The following AXDND1 variants were observed in gnomAD, a reference collection of about 807,000 sequenced individuals.
The protein encoded by AXDND1 is axonemal dynein light chain domain-containing protein 1.
A neutral mutation model predicts 137.5 loss-of-function variants in AXDND1; 110 were observed. That is an observed-to-expected ratio of 0.80 (90% CI 0.69 to 0.94). The LOEUF (loss-of-function observed/expected upper bound fraction) is 0.94. Among genes scored for constraint, AXDND1 ranks in the 40% least tolerant of loss-of-function variants. The pLI is 0.00. For missense variants in AXDND1, 1,191 were observed against 1,169.8 expected (o/e 1.02, Z -0.26); for synonymous variants, 414 against 399.7 (o/e 1.04, Z -0.43).
chr1:179,418,947 G>A (rs1224666376), intron 12 of AXDND1, among the ~76,000 whole-genome samples: 7 of 151,558 alleles, frequency 4.6e-5, no homozygotes, highest in East Asian at 3.9e-4. Context: ...CGGGGTCGCC[G>A]CCGGGCAGAG....
At chr1:179,487,104 A>G (rs190937050) in intron 18 of AXDND1, among the ~76,000 whole-genome samples, 18 of 148,892 alleles carry the variant, frequency 1.2e-4, no homozygotes, top group Non-Finnish European at 2.1e-4. Flanking sequence ...CAAAGTCTCC[A>G]AGTAAAAGGA....
intron 16 of AXDND1, among the ~76,000 whole-genome samples, chr1:179,446,545 C>T (rs916121511): frequency 3.0e-4 from 46 of 152,218 alleles, no homozygotes; most frequent in African/African-American, 1.1e-3. Flanking sequence ...TTTTAGCAAG[C>T]ATCCCAGGTG....
At chr1:179,439,273 A>G (rs1298503175) in intron 15 of AXDND1, among the ~76,000 whole-genome samples, 1 of 152,192 alleles carries the variant, frequency 6.6e-6, no homozygotes. Flanking sequence ...CACCAGTTAC[A>G]TTAATAGAAC....
intron 15 of AXDND1, among the ~76,000 whole-genome samples, chr1:179,433,049 A>G (rs953269227): frequency 1.4e-4 from 21 of 152,042 alleles, no homozygotes; most frequent in Non-Finnish European, 3.1e-4. Context: ...AGAAATCAGG[A>G]ATTTGTTATT....
intron 21 of AXDND1, 122 bp from the exon 22 acceptor site, chr1:179,525,212 C>A: frequency 1.0e-6 from 1 of 980,778 alleles, no homozygotes; most frequent in Non-Finnish European, 1.4e-6. Context: ...TCTTATCAAC[C>A]TTTGTATCCT....
chr1:179,375,275 T>C (rs994536406), intron 4 of AXDND1, among the ~76,000 whole-genome samples: 1 of 151,824 alleles, frequency 6.6e-6, no homozygotes, highest in Non-Finnish European at 1.5e-5. Context: ...GTTTTTTAAC[T>C]TTATTTTTAA....
At chr1:179,525,921 C>G (rs1670494495) in intron 22 of AXDND1, among the ~76,000 whole-genome samples, 1 of 151,974 alleles carries the variant, frequency 6.6e-6, no homozygotes, top group South Asian at 2.1e-4. Flanking sequence ...ATAGATTTAG[C>G]CAAACCTGCA....
At chr1:179,473,725 AC>A (rs1166192665) in intron 17 of AXDND1, among the ~76,000 whole-genome samples, 1 of 151,978 alleles carries the variant, frequency 6.6e-6, no homozygotes, top group Non-Finnish European at 1.5e-5. Flanking sequence ...GAGAGCAGTT[AC>A]CCCCACGCTG....
At chr1:179,420,951 G>A (rs1265270343) in intron 12 of AXDND1, among the ~76,000 whole-genome samples, 2 of 152,064 alleles carry the variant, frequency 1.3e-5, no homozygotes, top group Non-Finnish European at 2.9e-5. Flanking sequence ...ATGCATAGTT[G>A]TTTGTAAGTC....
rs549104559 is a variant in AXDND1 at position 179,489,066 on chromosome 1, A to G, written c.2092-2472A>G. On this transcript the variant is annotated intron_variant, in intron 18 of 25. Transcript: ENST00000367618. ...TCTTAATATCAGCTAAGAAGTGGCT[A>G]ATTACTCACTTGTTATCCCTGAAAA... Among the ~76,000 whole-genome samples, 49 of 129,138 alleles carry G rather than the reference A, an allele frequency of 3.8e-4. 7 individuals carry two copies. Among genetic ancestry groups the G allele is most frequent in the African/African-American group, 1.5e-3 (46 of 29,826 alleles). The allele number at this position is 129,138 out of a possible 152,430, so 84.7% of individuals were successfully genotyped here.
intron 16 of AXDND1, chr1:179,448,361 C>T (rs1660031956): frequency 1.9e-5 from 13 of 685,582 alleles, no homozygotes; most frequent in Non-Finnish European, 3.2e-5. Flanking sequence ...CTTCATTAAT[C>T]CAAACTCTCT....
At chr1:179,518,415 G>A (rs1669754765) in intron 21 of AXDND1, among the ~76,000 whole-genome samples, 1 of 150,244 alleles carries the variant, frequency 6.7e-6, no homozygotes, top group African/African-American at 2.4e-5. Flanking sequence ...TTAAGTTCGG[G>A]GTACATGTGC....
Position 179,551,383 on chromosome 1 carries a change from G to T in AXDND1, c.3032-3129G>T. On this transcript the variant is annotated intron_variant, in intron 25 of 25. Transcript: ENST00000367618. Reference sequence around the variant, plus strand: ...ATCGAAGCTGAACGGCAGCAGGGGTGCCTGACAGAATCTCAGCTGCCATCC... The same window carrying T: ...ATCGAAGCTGAACGGCAGCAGGGGTTCCTGACAGAATCTCAGCTGCCATCC... The T allele has an allele frequency of 6.2e-7, 1 of 1,614,094 alleles. No individual in the cohort carries two copies. Among genetic ancestry groups the T allele is most frequent in the Admixed American group, 1.7e-5 (1 of 60,014 alleles).
At chr1:179,419,539 G>A (rs922155797) in intron 12 of AXDND1, among the ~76,000 whole-genome samples, 5 of 150,068 alleles carry the variant, frequency 3.3e-5, no homozygotes, top group Non-Finnish European at 5.9e-5. Context: ...AGGCAGGGAG[G>A]TTGCAGTGAG....
intron 20 of AXDND1, among the ~76,000 whole-genome samples, chr1:179,508,438 C>G (rs199774212): frequency 1.3e-5 from 2 of 152,106 alleles, no homozygotes; most frequent in Non-Finnish European, 2.9e-5. Flanking sequence ...CACATGCTGC[C>G]GTTTTTTGGC....
intron 2 of AXDND1, among the ~76,000 whole-genome samples, chr1:179,367,970 A>C (rs899306964): frequency 6.9e-6 from 1 of 144,818 alleles, no homozygotes. Context: ...GCCCCACCCA[A>C]CTTTTTTTTT....
At chr1:179,491,872 T>C (rs756105892) in intron 19 of AXDND1, 135 bp downstream of exon 19, 91 of 784,298 alleles carry the variant, frequency 1.2e-4, no homozygotes, top group Non-Finnish European at 1.0e-4. Context: ...TTCAACTAGC[T>C]TTAACACTGT....
chr1:179,385,758 G>C (rs1015703466), intron 9 of AXDND1, among the ~76,000 whole-genome samples: 2 of 152,186 alleles, frequency 1.3e-5, no homozygotes, highest in Non-Finnish European at 2.9e-5. Flanking sequence ...CCTTGGGAAG[G>C]AATAAGTGAG....
intron 8 of AXDND1, 34 bp downstream of exon 8, chr1:179,383,578 A>C: frequency 6.5e-7 from 1 of 1,532,370 alleles, no homozygotes; most frequent in South Asian, 1.1e-5. Flanking sequence ...CTGGTGGCTA[A>C]GAGCATGCAC....
Sources: gnomAD v4.1 joint callset for allele counts (sites outside exome capture counted in the v4.1 genomes callset) on GRCh38, gnomAD v4.1.1 for gene constraint, MANE v1.5 for transcripts, NCBI Gene and HGNC (gene_info 2026-07-23, HGNC 2026-07-21) for gene names.